GRIA3: variants seen among roughly 807,000 people sequenced by gnomAD.
The protein encoded by GRIA3 is glutamate ionotropic receptor AMPA type subunit 3, also known as glutamate receptor 3.
Under a neutral mutation model 63.0 loss-of-function variants are expected in GRIA3, and 3 were observed. The ratio of observed to expected loss-of-function variants is 0.05; its 90% CI spans 0.02 to 0.12. The LOEUF (loss-of-function observed/expected upper bound fraction) is 0.12. Ranked by LOEUF, GRIA3 falls within the 10% of genes least tolerant of loss-of-function variation. GRIA3 has a pLI of 1.00. For missense variants in GRIA3, 347 were observed against 700.9 expected (o/e 0.50, Z 5.70); for synonymous variants, 274 against 257.9 (o/e 1.06, Z -0.60).
At chrX:123,189,450 C>T (rs1422024095) in intron 2 of GRIA3, among the ~76,000 whole-genome samples, 2 of 112,260 alleles carry the variant, frequency 1.8e-5, no homozygotes, top group Non-Finnish European at 3.8e-5. Flanking sequence ...GAAACATCGC[C>T]GATTCCCTTG....
At chrX:123,293,962 G>C (rs2044670595) in intron 3 of GRIA3, among the ~76,000 whole-genome samples, 1 of 109,642 alleles carries the variant, frequency 9.1e-6, no homozygotes, top group African/African-American at 3.3e-5. Flanking sequence ...GACATCATTT[G>C]CTCTCCAGAT....
intron 5 of GRIA3, among the ~76,000 whole-genome samples, chrX:123,360,851 TCTCTCACACACACA>T (rs1217557392): frequency 3.8e-4 from 10 of 26,584 alleles, no homozygotes; most frequent in Admixed American, 1.3e-3. Flanking sequence ...TCTCTCTCTC[TCTCTCACACACACA>T]CACACACACA....
rs544918906 is a variant in GRIA3 at position 123,343,762 on chromosome X, AT to A, written c.697-11132del. ...GCGATCCTCCTTCCTATGCCCGGCAATTTTTTTTTTTTTTTTAGAGATAGGG... is the reference window on the plus strand; with the variant it reads ...GCGATCCTCCTTCCTATGCCCGGCAATTTTTTTTTTTTTTTAGAGATAGGG... On this transcript the variant is annotated intron_variant, in intron 4 of 15. Coordinates refer to ENST00000620443, the MANE Select transcript of GRIA3 (RefSeq NM_007325.5). 6.3e-3 allele frequency among the ~76,000 whole-genome samples: 618 copies of A among 97,727 alleles called. 1 individual carries two copies. Among genetic ancestry groups the A allele is most frequent in the African/African-American group, 0.014 (391 of 27,029 alleles). 84.9% of individuals were successfully genotyped at this position (97,727 alleles called of 115,157 possible). A position where few individuals can be genotyped will look rare whatever the true frequency, so the allele number is the denominator to read the frequency against.
intron 2 of GRIA3, chrX:123,204,448 A>G (rs1927830293): frequency 9.5e-6 from 11 of 1,156,711 alleles, no homozygotes; most frequent in Non-Finnish European, 1.3e-5. Context: ...AGTCAGCACT[A>G]CCTCCTCCCT....
chrX:123,408,422 T>C (rs1445509418), intron 10 of GRIA3, among the ~76,000 whole-genome samples: 2 of 112,113 alleles, frequency 1.8e-5, no homozygotes, highest in East Asian at 5.6e-4. Context: ...CACAGTGACA[T>C]AGAGCAAGGC....
At chrX:123,421,971 T>C (rs919743159) in intron 11 of GRIA3, among the ~76,000 whole-genome samples, 1 of 111,692 alleles carries the variant, frequency 9.0e-6, no homozygotes, top group Non-Finnish European at 1.9e-5. Flanking sequence ...CGAAGGATGA[T>C]GTGATGAAAT....
chrX:123,339,721 A>T (rs1447732259), intron 4 of GRIA3, among the ~76,000 whole-genome samples: 7 of 112,476 alleles, frequency 6.2e-5, no homozygotes, highest in Non-Finnish European at 1.1e-4. Flanking sequence ...GACAATCCCC[A>T]CTTATGTGTC....
chrX:123,232,765 C>T (rs1374709966), intron 2 of GRIA3, among the ~76,000 whole-genome samples: 1 of 110,741 alleles, frequency 9.0e-6, no homozygotes, highest in Non-Finnish European at 1.9e-5. Context: ...TGATGAGTCA[C>T]AAGCAGCATA....
chrX:123,481,395 G>A (rs545885373), intron 14 of GRIA3, among the ~76,000 whole-genome samples: 3 of 112,155 alleles, frequency 2.7e-5, no homozygotes, highest in Non-Finnish European at 5.6e-5. Flanking sequence ...CCCACACCCC[G>A]TTTCTGAATG....
intron 3 of GRIA3, among the ~76,000 whole-genome samples, chrX:123,313,195 G>A (rs922549930): frequency 2.7e-5 from 3 of 111,678 alleles, no homozygotes; most frequent in Admixed American, 9.5e-5. Context: ...GGTGTTTTAC[G>A]TGGGTTTCTT....
chrX:123,208,621 T>C (rs1468376191), intron 2 of GRIA3, among the ~76,000 whole-genome samples: 1 of 112,097 alleles, frequency 8.9e-6, no homozygotes, highest in Admixed American at 9.4e-5. Flanking sequence ...AGATAATTGC[T>C]CACCCCTCTG....
intron 2 of GRIA3, among the ~76,000 whole-genome samples, chrX:123,246,483 T>C (rs1313058543): frequency 9.0e-6 from 1 of 111,724 alleles, no homozygotes; most frequent in Non-Finnish European, 1.9e-5. Context: ...AAGCTAGCAA[T>C]GGCCAGGCAA....
chrX:123,270,506 C>T (rs2044514786), intron 3 of GRIA3, among the ~76,000 whole-genome samples: 1 of 112,394 alleles, frequency 8.9e-6, no homozygotes, highest in Non-Finnish European at 1.9e-5. Context: ...GGGCTGTCCC[C>T]GCCAAGTGGA....
intron 12 of GRIA3, among the ~76,000 whole-genome samples, chrX:123,454,746 A>G: frequency 8.9e-6 from 1 of 111,899 alleles, no homozygotes; most frequent in African/African-American, 3.3e-5. Context: ...ATTCTCCCAG[A>G]ATAGAGCAAT....
At chrX:123,315,567 G>A (rs1050636432) in intron 3 of GRIA3, among the ~76,000 whole-genome samples, 9 of 112,483 alleles carry the variant, frequency 8.0e-5, no homozygotes, top group Admixed American at 5.6e-4. Flanking sequence ...AATATGAATA[G>A]TAATAGCCTG....
intron 13 of GRIA3, among the ~76,000 whole-genome samples, chrX:123,478,534 G>A (rs2045897165): frequency 8.9e-6 from 1 of 112,027 alleles, no homozygotes; most frequent in African/African-American, 3.2e-5. Context: ...CTCTGAAATT[G>A]CATTATTTTT....
chrX:123,297,204 T>C, intron 3 of GRIA3, among the ~76,000 whole-genome samples: 1 of 111,330 alleles, frequency 9.0e-6, no homozygotes, highest in Non-Finnish European at 1.9e-5. Flanking sequence ...TTCCCGTGCA[T>C]GTTAAAGCTT....
chrX:123,463,679 A>AGAAG (rs2045814059), intron 12 of GRIA3, among the ~76,000 whole-genome samples: 1 of 53,936 alleles, frequency 1.9e-5, no homozygotes, highest in Non-Finnish European at 3.2e-5. Flanking sequence ...AAAGAAAGAA[A>AGAAG]GAAAGAGAGA....
intron 2 of GRIA3, among the ~76,000 whole-genome samples, chrX:123,231,681 G>A (rs777017314): frequency 9.0e-6 from 1 of 111,162 alleles, no homozygotes; most frequent in African/African-American, 3.3e-5. Context: ...CCCTAGCCAG[G>A]TAAAAATTGA....
Sources: allele counts gnomAD v4.1 joint callset (sites outside exome capture counted in the v4.1 genomes callset), GRCh38; gene constraint gnomAD v4.1.1; transcripts MANE v1.5; gene names NCBI Gene and HGNC (gene_info 2026-07-23, HGNC 2026-07-21).